Variants in UNC45A observed in about 807,000 individuals in gnomAD.
UNC45A encodes the protein unc-45 myosin chaperone A.
A neutral mutation model predicts 103.2 loss-of-function variants in UNC45A; 78 were observed. The observed-to-expected ratio is 0.76, with a 90% CI of 0.63 to 0.91. UNC45A has a LOEUF of 0.91. Among genes scored for constraint, UNC45A ranks in the 40% least tolerant of loss-of-function variants. The probability of loss-of-function intolerance (pLI) is 0.00; values close to 1 mark genes in which losing one functional copy is unlikely to be tolerated. For synonymous variants in UNC45A, 495 were observed against 504.6 expected, an observed-to-expected ratio of 0.98 and a Z score of 0.25; for missense variants, 1,193 against 1,224.8, an observed-to-expected ratio of 0.97 and a Z score of 0.39.
At position 90,947,880 on chromosome 15, in the gene UNC45A, C is replaced by G. The variant is rs1457388137; in HGVS notation, c.1585C>G (p.Gln529Glu). Reference sequence around the variant, plus strand: ...AGGCTCCACTCTCAAACTGGCTAAGCAGTGTCGAAAGTGAGTCATCTGGCC... The same window carrying G: ...AGGCTCCACTCTCAAACTGGCTAAGGAGTGTCGAAAGTGAGTCATCTGGCC... ...AEGSTLKLAK[Q>E]CRKWLCNDQI... Residue 529 changes from glutamine to glutamate, a missense_variant, in exon 11 of 20, where the codon CAG becomes GAG. Transcript: ENST00000418476. 3.7e-6 allele frequency: 6 copies of G among 1,613,530 alleles called. No homozygotes were observed. The highest frequency in any genetic ancestry group is 5.1e-6 in the Non-Finnish European group (6 of 1,179,804).
chr15:90,930,199 C>G (rs1567142801), exon 1 of UNC45A: 1 of 152,236 alleles, frequency 6.6e-6, no homozygotes, highest in South Asian at 2.1e-4. Context: ...CCGAAGTAAC[C>G]CGCAATGCGG....
rs150275572 is a variant in UNC45A, at chr15:90,953,605, C to T, written c.2724C>T (p.Ile908=). ...STLMESEMME[I]LSVLAKGDHS... ...TGATGGAGAGTGAGATGATGGAGAT[C>T]TTGTCAGTGCTAGCTAAGGGTGACC... The change falls in exon 20 of 20, where the codon ATC becomes ATT. Residue 908 remains isoleucine (I), a synonymous_variant. Coordinates refer to ENST00000418476, the MANE Select transcript of UNC45A (RefSeq NM_018671.5). The T allele has an allele frequency of 8.9e-4, 1,435 of 1,613,998 alleles. 3 individuals are homozygous for T. The highest frequency in any genetic ancestry group is 1.1e-3 in the Non-Finnish European group (1,349 of 1,180,030).
chr15:90,949,192 A>G, intron 13 of UNC45A, 124 bp from the exon 14 acceptor site: 1 of 1,396,084 alleles, frequency 7.2e-7, no homozygotes, highest in Non-Finnish European at 9.7e-7. Flanking sequence ...CTCCCTTTTA[A>G]GCCAGTTTGT....
Position 90,949,695 on chromosome 15 carries a change from C to A in UNC45A, c.2048C>A (p.Thr683Asn). ...ALVEEVEDRGTVVAQGGGRAL... is the reference protein window; with the variant it reads ...ALVEEVEDRGNVVAQGGGRAL... Reference sequence around the variant, plus strand: ...GTGGAAGAGGTAGAGGACCGAGGCACTGTGGTTGCCCAGGGAGGCGGCAGG... The same window carrying A: ...GTGGAAGAGGTAGAGGACCGAGGCAATGTGGTTGCCCAGGGAGGCGGCAGG... The change falls in exon 15 of 20, where the codon ACT becomes AAT. Residue 683 changes from threonine to asparagine, a missense_variant. Physicochemically the swap from Thr to Asn is moderately conservative, Grantham distance 65 (BLOSUM62 0). Transcript: ENST00000418476. The A allele has an allele frequency of 6.2e-7, 1 of 1,614,180 alleles. No homozygotes were observed. Among genetic ancestry groups the A allele is most frequent in the Non-Finnish European group, 8.5e-7 (1 of 1,180,026 alleles).
chr15:90,946,073 T>C, intron 9 of UNC45A, among the ~76,000 whole-genome samples: 1 of 148,494 alleles, frequency 6.7e-6, no homozygotes, highest in African/African-American at 2.5e-5. Context: ...GCCAACATGG[T>C]GAAACCCCAT....
chr15:90,950,551 G>T lies in UNC45A; in HGVS notation c.2239G>T (p.Gly747Cys). The T allele has an allele frequency of 6.2e-7, 1 of 1,614,192 alleles. No individual in the cohort carries two copies. The highest frequency in any genetic ancestry group is 8.5e-7 in the Non-Finnish European group (1 of 1,180,030). ...LVSLLHLNCS[G>C]LQNFEALMAL... ...CTCCCTGTTGCACCTCAACTGCTCAGGCCTGCAGAACTTCGAGGCGCTCAT... is the reference window on the plus strand; with the variant it reads ...CTCCCTGTTGCACCTCAACTGCTCATGCCTGCAGAACTTCGAGGCGCTCAT... The change falls in exon 17 of 20, where the codon GGC becomes TGC. Residue 747 changes from glycine to cysteine, a missense_variant. Gly to Cys is a radical substitution (Grantham distance 159). Coordinates refer to ENST00000418476, the MANE Select transcript of UNC45A (RefSeq NM_018671.5).
chr15:90,939,497 G>A (rs2036182099), intron 4 of UNC45A, among the ~76,000 whole-genome samples: 1 of 152,156 alleles, frequency 6.6e-6, no homozygotes, highest in Admixed American at 6.5e-5. Flanking sequence ...CTCCAGCATC[G>A]GCGCAGCCCC....
chr15:90,940,173 G>A lies in UNC45A; in HGVS notation c.520-133G>A, dbSNP rs1043544920. On this transcript the variant is annotated intron_variant, in intron 5 of 19. Coordinates refer to ENST00000418476, the MANE Select transcript of UNC45A (RefSeq NM_018671.5). The stretch of plus-strand genomic sequence containing the variant: ...ACAGAGGAAGCTAAACTTCAAAGAG[G>A]TTATTTTTTGGCCGTGGTCACTCAA... The A allele has an allele frequency of 2.5e-5, 24 of 957,936 alleles. No individual in the cohort carries two copies. The African/African-American group carries it at 3.8e-4, about 15-fold the overall frequency. The allele number at this position is 957,936 out of a possible 1,614,324, so 59.3% of individuals were successfully genotyped here.
In UNC45A at chr15:90,948,649, G is replaced by A. The variant is rs1322502446; in HGVS notation, c.1738-5G>A. On this transcript the variant is annotated splice_polypyrimidine_tract_variant and splice_region_variant and intron_variant, in intron 12 of 19. Coordinates refer to ENST00000418476, the MANE Select transcript of UNC45A (RefSeq NM_018671.5). ...GCCCATGTGAATTCCTCTGTGTCCT[G>A]GCAGTTGGAGGAGAGGTCAGTGCTC... 6.2e-7 allele frequency: 1 copy of A among 1,613,202 alleles called. No individual in the cohort carries two copies. Among genetic ancestry groups the A allele is most frequent in the East Asian group, 2.2e-5 (1 of 44,858 alleles).
intron 1 of UNC45A, 47 bp downstream of exon 1, chr15:90,935,422 C>A: frequency 6.3e-7 from 1 of 1,580,016 alleles, no homozygotes; most frequent in Non-Finnish European, 8.6e-7. Context: ...CCCGCCCTGA[C>A]CATCCCTGGC....
At position 90,940,205 on chromosome 15, in the gene UNC45A, A is replaced by C. The variant is rs560489407; in HGVS notation, c.520-101A>C. On this transcript the variant is annotated intron_variant, in intron 5 of 19. Coordinates refer to ENST00000418476, the MANE Select transcript of UNC45A (RefSeq NM_018671.5). ...TTTGGCCGTGGTCACTCAACTGTGA[A>C]GTGGAAGCAGAGAGGTCCAGGGCTC... is the stretch of plus-strand genomic sequence containing the variant. The C allele has an allele frequency of 3.7e-6, 5 of 1,334,942 alleles. No homozygotes were observed. The East Asian group carries it at 1.2e-4, about 31-fold the overall frequency. The allele number at this position is 1,334,942 out of a possible 1,614,324, so 82.7% of individuals were successfully genotyped here.
chr15:90,944,003 T>C (rs2036431099), intron 8 of UNC45A, among the ~76,000 whole-genome samples: 1 of 148,030 alleles, frequency 6.8e-6, no homozygotes, highest in African/African-American at 2.5e-5. Flanking sequence ...TTTTTTTTTT[T>C]TTTTTTTTGT....
At chr15:90,947,252 C>G (rs1596233126) in intron 10 of UNC45A, 1 of 313,300 alleles carries the variant, frequency 3.2e-6, no homozygotes, top group African/African-American at 2.1e-5. Flanking sequence ...CATGGCTCCT[C>G]CCTCCATGGG....
chr15:90,951,571 G>C (rs1001635907), intron 17 of UNC45A, among the ~76,000 whole-genome samples: 1 of 152,176 alleles, frequency 6.6e-6, no homozygotes, highest in African/African-American at 2.4e-5. Flanking sequence ...AGGCCAGCCT[G>C]AGCAGTGTAG....
intron 15 of UNC45A, 154 bp downstream of exon 15, chr15:90,949,874 GC>G (rs371858768): frequency 5.9e-6 from 5 of 847,882 alleles, no homozygotes; most frequent in African/African-American, 5.1e-5. Flanking sequence ...TGACGCGGAA[GC>G]AGGCAAGCTC....
chr15:90,932,229 T>C (rs1461684482), upstream of UNC45A: 1 of 1,139,208 alleles, frequency 8.8e-7, no homozygotes, highest in Non-Finnish European at 1.2e-6. Context: ...GTGACCTTGG[T>C]CAAGTACCTT....
intron 4 of UNC45A, among the ~76,000 whole-genome samples, chr15:90,938,219 C>T (rs1456100506): frequency 6.6e-6 from 1 of 152,150 alleles, no homozygotes; most frequent in Non-Finnish European, 1.5e-5. Context: ...AAGGAGACTG[C>T]ATCACCTGTT....
At chr15:90,944,781 A>C (rs1392595016) in intron 8 of UNC45A, 111 bp from the exon 9 acceptor site, 2 of 1,318,276 alleles carry the variant, frequency 1.5e-6, no homozygotes, top group Non-Finnish European at 2.1e-6. Flanking sequence ...AGTTGTCAGA[A>C]CTCTGTAGCC....
rs754262944 is a variant in UNC45A at position 90,946,586 on chromosome 15, G to A, written c.1200-28G>A. On this transcript the variant is annotated intron_variant, in intron 9 of 19. Coordinates refer to ENST00000418476, the MANE Select transcript of UNC45A (RefSeq NM_018671.5). ...AGAGTCCCTTTATGTTGGCCTTGGT[G>A]TGACGGCTGTCACCCTGTGCCCCTC... 12 of 1,569,826 alleles carry A rather than the reference G, an allele frequency of 7.6e-6. No individual in the cohort carries two copies. In the African/African-American group the frequency reaches 1.3e-4, roughly 18 times the overall value.
Sources: allele counts gnomAD v4.1 joint callset (sites outside exome capture counted in the v4.1 genomes callset), GRCh38; gene constraint gnomAD v4.1.1; transcripts MANE v1.5; gene names NCBI Gene and HGNC (gene_info 2026-07-23, HGNC 2026-07-21).